The following PCNX2 variants were observed in gnomAD, a reference collection of about 807,000 sequenced individuals.
The protein encoded by PCNX2 is pecanex-like protein 2.
PCNX2 carries 168 observed loss-of-function variants against 223.8 expected under a neutral mutation model. The ratio of observed to expected loss-of-function variants is 0.75; its 90% CI spans 0.66 to 0.85. The LOEUF is 0.85. Among genes scored for constraint, PCNX2 ranks in the 40% least tolerant of loss-of-function variants. The pLI is 0.00. For missense variants in PCNX2, 2,507 were observed against 2,675.5 expected (o/e 0.94, Z 1.39); for synonymous variants, 1,006 against 1,052.6 (o/e 0.96, Z 0.86).
intron 21 of PCNX2, among the ~76,000 whole-genome samples, chr1:233,103,719 T>C (rs188126327): frequency 6.6e-6 from 1 of 152,312 alleles, no homozygotes; most frequent in East Asian, 1.9e-4. Context: ...ATCTTGGCTA[T>C]TGTGAATAGT....
intron 15 of PCNX2, chr1:233,180,943 C>T (rs1679761979): frequency 6.6e-6 from 1 of 152,178 alleles, no homozygotes; most frequent in South Asian, 2.1e-4. Context: ...ACCATGTCTG[C>T]ATTTATTATT....
At position 233,227,388 on chromosome 1, in the gene PCNX2, G is replaced by A. The variant is rs1408413730; in HGVS notation, c.2359-17C>T. 3 of 1,602,458 alleles carry A rather than the reference G, an allele frequency of 1.9e-6. No homozygotes were observed. Among genetic ancestry groups the A allele is most frequent in the Admixed American group, 3.5e-5 (2 of 57,770 alleles). ...ACTCACATGCTTTTAGATACCAAAAGAAACAACAGAAAAAAGGGCTTTATG... is the reference window on the plus strand; with the variant it reads ...ACTCACATGCTTTTAGATACCAAAAAAAACAACAGAAAAAAGGGCTTTATG... On this transcript the variant is annotated splice_polypyrimidine_tract_variant and intron_variant, in intron 9 of 33. Coordinates refer to ENST00000258229, the MANE Select transcript of PCNX2 (RefSeq NM_014801.4).
At chr1:233,109,406 T>C (rs1414729811) in intron 21 of PCNX2, among the ~76,000 whole-genome samples, 1 of 152,158 alleles carries the variant, frequency 6.6e-6, no homozygotes, top group Non-Finnish European at 1.5e-5. Context: ...GTGATTAATA[T>C]GTTAAGGGCT....
intron 21 of PCNX2, among the ~76,000 whole-genome samples, chr1:233,111,648 C>T (rs1342319855): frequency 6.6e-6 from 1 of 152,118 alleles, no homozygotes; most frequent in African/African-American, 2.4e-5. Flanking sequence ...AAGCGATCTG[C>T]CCACCTCGGC....
chr1:233,294,216 G>C (rs1002633484), intron 1 of PCNX2, among the ~76,000 whole-genome samples: 4 of 152,068 alleles, frequency 2.6e-5, no homozygotes, highest in Non-Finnish European at 5.9e-5. Flanking sequence ...ACAGACCTGT[G>C]GCTTTATATG....
rs201552390 is a variant in PCNX2 at position 233,258,718 on chromosome 1, T to C, written c.1144A>G (p.Ser382Gly). The C allele has an allele frequency of 5.2e-5, 84 of 1,613,870 alleles. No individual in the cohort carries two copies. In the African/African-American group the frequency reaches 1.0e-3, roughly 20 times the overall value. Residue 382 changes from serine (S) to glycine (G), a missense_variant, in exon 5 of 34, where the codon AGT (serine) becomes GGT (glycine). Around this residue, in one of 3 missense-constraint regions of PCNX2, gnomAD observed 1,031 missense variants for 1,021.7 expected, o/e 1.01. Coordinates refer to ENST00000258229, the MANE Select transcript of PCNX2 (RefSeq NM_014801.4). ...AAATCTGTCATGGAGTTTGGGGTAC[T>C]GCTCATCGTGATAACAATTTTTATG... ...EPIKIVITMS[S>G]TPNSMTDLES...
intron 8 of PCNX2, among the ~76,000 whole-genome samples, chr1:233,245,634 G>A (rs1053922192): frequency 3.9e-5 from 6 of 152,166 alleles, no homozygotes; most frequent in African/African-American, 1.2e-4. Flanking sequence ...AATTTAAATC[G>A]GCTGGGCGTG....
chr1:233,021,485 A>C (rs1558168684), intron 26 of PCNX2, among the ~76,000 whole-genome samples: 1 of 147,964 alleles, frequency 6.8e-6, no homozygotes, highest in Non-Finnish European at 1.5e-5. Flanking sequence ...ACAGAGTGAG[A>C]CTCTTTCTCA....
chr1:233,294,515 A>T (rs1277427583), intron 1 of PCNX2, among the ~76,000 whole-genome samples: 1 of 152,254 alleles, frequency 6.6e-6, no homozygotes, highest in Non-Finnish European at 1.5e-5. Context: ...TGTAAAAAAA[A>T]TGATCAAATA....
chr1:233,226,488 T>C (rs1040671455), intron 10 of PCNX2, among the ~76,000 whole-genome samples: 2 of 152,192 alleles, frequency 1.3e-5, no homozygotes, highest in Non-Finnish European at 2.9e-5. Flanking sequence ...CAGGCTGGTC[T>C]TGAACTCCTG....
chr1:233,211,890 G>A, intron 12 of PCNX2: 2 of 885,292 alleles, frequency 2.3e-6, no homozygotes, highest in Non-Finnish European at 2.7e-6. Context: ...AAGGACTCTG[G>A]GCAGAGAAAA....
At chr1:233,273,146 A>AT in intron 1 of PCNX2, among the ~76,000 whole-genome samples, 1 of 137,320 alleles carries the variant, frequency 7.3e-6, no homozygotes, top group Non-Finnish European at 1.6e-5. Flanking sequence ...ACCTATGGAA[A>AT]TAAAAAAAAA....
At chr1:233,100,509 AC>A (rs1412934951) in intron 21 of PCNX2, among the ~76,000 whole-genome samples, 1 of 151,930 alleles carries the variant, frequency 6.6e-6, no homozygotes, top group Admixed American at 6.6e-5. Flanking sequence ...ATTTCAAATG[AC>A]CTATTTTGGA....
intron 22 of PCNX2, among the ~76,000 whole-genome samples, chr1:233,091,840 C>T (rs1673890763): frequency 1.3e-5 from 2 of 151,316 alleles, no homozygotes; most frequent in South Asian, 2.1e-4. Context: ...TCACATCCTC[C>T]ATTAATAATC....
At position 232,990,948 on chromosome 1, in the gene PCNX2, C is replaced by A. The variant is rs915061248; in HGVS notation, c.5792-4408G>T. On this transcript the variant is annotated intron_variant, in intron 32 of 33. Coordinates refer to ENST00000258229, the MANE Select transcript of PCNX2 (RefSeq NM_014801.4). The surrounding 1 kb of genome is among the most constrained non-coding windows in gnomAD (Gnocchi z 4.3). ...TGCATGCAGGCAGCCCCTCACCTGG[C>A]AGGATGTGGGGAGAGTGGGGAAGAG... 6.6e-6 allele frequency among the ~76,000 whole-genome samples: 1 copy of A among 152,202 alleles called. No homozygotes were observed. Among genetic ancestry groups the A allele is most frequent in the African/African-American group, 2.4e-5 (1 of 41,456 alleles).
chr1:233,031,110 G>T (rs1671247806), intron 25 of PCNX2, among the ~76,000 whole-genome samples: 2 of 152,194 alleles, frequency 1.3e-5, no homozygotes, highest in Admixed American at 1.3e-4. Context: ...TTCTCTCAAT[G>T]ATAAGGGCCC....
intron 28 of PCNX2, among the ~76,000 whole-genome samples, chr1:233,013,818 G>T (rs535575929): frequency 6.6e-6 from 1 of 152,126 alleles, no homozygotes; most frequent in Non-Finnish European, 1.5e-5. Flanking sequence ...ACCCACAGAG[G>T]TGCTGATGGA....
chr1:233,035,144 CT>C lies in PCNX2; in HGVS notation c.4352-9746del, dbSNP rs1671409370. ...AACATGGTCCCCTGCAACAGAAAAG[CT>C]GCTCTGAAAGAAAAGGTTGGGATGA... On this transcript the variant is annotated intron_variant, in intron 25 of 33. Coordinates refer to ENST00000258229, the MANE Select transcript of PCNX2 (RefSeq NM_014801.4). Among the ~76,000 whole-genome samples the C allele has an allele frequency of 2.0e-5, 3 of 152,268 alleles. No homozygotes were observed. In the South Asian group the frequency reaches 6.2e-4, roughly 32 times the overall value.
chr1:233,206,463 A>G (rs533782613), intron 13 of PCNX2, among the ~76,000 whole-genome samples: 7 of 151,956 alleles, frequency 4.6e-5, no homozygotes, highest in Non-Finnish European at 8.8e-5. Flanking sequence ...CGACTTAGTG[A>G]GGAATATGGG....
Sources: gnomAD v4.1 joint callset for allele counts (sites outside exome capture counted in the v4.1 genomes callset) on GRCh38, gnomAD v4.1.1 for gene constraint, gnomAD v4.1.1 regional missense constraint, Gnocchi (gnomAD v3.1) non-coding constraint, MANE v1.5 for transcripts, NCBI Gene and HGNC (gene_info 2026-07-23, HGNC 2026-07-21) for gene names.